KLHL15: variants seen among roughly 807,000 people sequenced by gnomAD.
KLHL15 encodes kelch-like protein 15.
KLHL15 carries 1 observed loss-of-function variant against 29.3 expected under a neutral mutation model. The observed-to-expected ratio is 0.03, with a 90% CI of 0.01 to 0.16. The LOEUF (loss-of-function observed/expected upper bound fraction) is 0.16. Ranked by LOEUF, KLHL15 falls within the 10% of genes least tolerant of loss-of-function variation. KLHL15 has a pLI of 1.00. For synonymous variants in KLHL15, 212 were observed against 184.5 expected (o/e 1.15, Z -1.21); for missense variants, 215 against 478.5 (o/e 0.45, Z 5.14).
intron 3 of KLHL15, among the ~76,000 whole-genome samples, chrX:23,990,197 A>C (rs1158175522): frequency 9.0e-6 from 1 of 111,594 alleles, no homozygotes; most frequent in Admixed American, 9.6e-5. Context: ...TGCTATAGGG[A>C]GAAACAAAAA....
chrX:23,990,213 G>GTTT (rs1241795334), intron 3 of KLHL15, among the ~76,000 whole-genome samples: 1 of 111,555 alleles, frequency 9.0e-6, no homozygotes, highest in Admixed American at 9.6e-5. Flanking sequence ...AAAAATAAGC[G>GTTT]TAAGATGTGA....
chrX:24,021,839 G>C lies in KLHL15; in HGVS notation c.-8+3018C>G, dbSNP rs757665470. Among the ~76,000 whole-genome samples, 64 of 107,765 alleles carry C rather than the reference G, an allele frequency of 5.9e-4. 1 individual carries two copies. Among genetic ancestry groups the C allele is most frequent in the Non-Finnish European group, 1.1e-3 (55 of 52,182 alleles). 93.6% of individuals were successfully genotyped at this position (107,765 alleles called of 115,157 possible). ...ATTTCTCTTCAATAAAAAAAAAAAAGCACCACATGAGCTATAGCACTCCAA... is the reference window on the plus strand; with the variant it reads ...ATTTCTCTTCAATAAAAAAAAAAAACCACCACATGAGCTATAGCACTCCAA... On this transcript the variant is annotated intron_variant, in intron 2 of 3. Transcript: ENST00000328046.
At chrX:24,006,974 G>T in intron 2 of KLHL15, among the ~76,000 whole-genome samples, 1 of 110,571 alleles carries the variant, frequency 9.0e-6, no homozygotes, top group Middle Eastern at 4.6e-3. Context: ...CTTGAGCCCA[G>T]GAGTTGGAGA....
chrX:23,996,652 G>C (rs1272162155), intron 3 of KLHL15, among the ~76,000 whole-genome samples: 1 of 111,393 alleles, frequency 9.0e-6, no homozygotes. Context: ...GACAGAGCGA[G>C]ACTCCATCTC....
chrX:23,993,278 C>G (rs760208601), intron 3 of KLHL15, among the ~76,000 whole-genome samples: 1 of 111,514 alleles, frequency 9.0e-6, no homozygotes, highest in African/African-American at 3.3e-5. Context: ...TGGGACAGGA[C>G]TAGAAGCCAG....
rs1213462021 is a variant in KLHL15, at chrX:23,986,127, G to T, written c.*1794C>A. ...TTTTCAAAAGCTACTTATGTACCTG[G>T]TTTCTTAAACCCAAATGCCTCCAAT... is the stretch of plus-strand genomic sequence containing the variant. On this transcript the variant is annotated 3_prime_UTR_variant, in exon 4 of 4. Coordinates refer to ENST00000328046, the MANE Select transcript of KLHL15 (RefSeq NM_030624.3). The T allele has an allele frequency of 1.8e-5, 2 of 110,291 alleles. No homozygotes were observed. Among genetic ancestry groups the T allele is most frequent in the Admixed American group, 1.9e-4 (2 of 10,276 alleles). 9.1% of individuals were successfully genotyped at this position (110,291 alleles called of 1,213,427 possible). A position where few individuals can be genotyped will look rare whatever the true frequency, so the allele number is the denominator to read the frequency against.
chrX:24,001,776 C>T (rs777841583), intron 3 of KLHL15, among the ~76,000 whole-genome samples: 94 of 82,896 alleles, frequency 1.1e-3, no homozygotes, highest in African/African-American at 4.4e-3. Context: ...TGCACTCCAG[C>T]CTAGGAGACA....
intron 2 of KLHL15, among the ~76,000 whole-genome samples, chrX:24,011,179 A>G (rs1929566615): frequency 9.2e-6 from 1 of 108,748 alleles, no homozygotes; most frequent in African/African-American, 3.3e-5. Flanking sequence ...AAAAAAAAAA[A>G]AAAGAAAAAA....
In KLHL15 at chrX:23,985,019, C is replaced by A. The variant is rs1222647932; in HGVS notation, c.*2902G>T. 1 of 112,229 alleles carries A rather than the reference C, an allele frequency of 8.9e-6. No individual in the cohort carries two copies. Among genetic ancestry groups the A allele is most frequent in the Non-Finnish European group, 1.9e-5 (1 of 53,188 alleles). The allele number at this position is 112,229 out of a possible 1,213,427, so 9.2% of individuals were successfully genotyped here. A position where few individuals can be genotyped will look rare whatever the true frequency, so the allele number is the denominator to read the frequency against. On this transcript the variant is annotated 3_prime_UTR_variant, in exon 4 of 4. Transcript: ENST00000328046. ...AAAACCAGTAGCATTTCTTCCAACA[C>A]AAAACCTTCAAAGTGAGAATCTTGC...
chrX:24,023,497 T>C (rs988920307), intron 2 of KLHL15, among the ~76,000 whole-genome samples: 2 of 112,383 alleles, frequency 1.8e-5, no homozygotes, highest in African/African-American at 6.5e-5. Flanking sequence ...AACCATTTGT[T>C]AGCTAAAAAT....
chrX:24,010,431 C>G (rs1929550769), intron 2 of KLHL15, among the ~76,000 whole-genome samples: 1 of 112,053 alleles, frequency 8.9e-6, no homozygotes, highest in African/African-American at 3.2e-5. Flanking sequence ...TGCCTCTTGG[C>G]AGTTTCGTCC....
In KLHL15 at chrX:23,994,986, A is replaced by C. The variant is rs1429292959; in HGVS notation, c.706-5956T>G. ...GCCACCTTGCCCAGCCTGAAAATGT[A>C]AATTGTCCATTTCCTCTAAACATCT... is the stretch of plus-strand genomic sequence containing the variant. On this transcript the variant is annotated intron_variant, in intron 3 of 3. Coordinates refer to ENST00000328046, the MANE Select transcript of KLHL15 (RefSeq NM_030624.3). 3.6e-5 allele frequency among the ~76,000 whole-genome samples: 4 copies of C among 111,395 alleles called. No individual in the cohort carries two copies. In the East Asian group the frequency reaches 1.1e-3, roughly 31 times the overall value.
chrX:24,006,304 T>C lies in KLHL15; in HGVS notation c.390A>G (p.Leu130=). ...GTCTCATAATTTCTGCACAATTTTC[T>C]AGGCAGATCTTCGCTAAGAGAAAAG... ...CCSFLLAKIC[L]ENCAEIMRLL... is the part of the protein sequence containing the mutation. Residue 130 remains leucine, a synonymous_variant, in exon 3 of 4, where the codon CTA becomes CTG. Transcript: ENST00000328046. 2.5e-6 allele frequency: 3 copies of C among 1,211,826 alleles called. No individual in the cohort carries two copies. The highest frequency in any genetic ancestry group is 3.3e-6 in the Non-Finnish European group (3 of 895,562).
In KLHL15 at chrX:23,987,872, G is replaced by A. The variant is rs1929013107; in HGVS notation, c.*49C>T. On this transcript the variant is annotated 3_prime_UTR_variant, in exon 4 of 4. Coordinates refer to ENST00000328046, the MANE Select transcript of KLHL15 (RefSeq NM_030624.3). ...TTTATATGTTTTAATTAATTACTCT[G>A]TGCAAACAAATACTTTGTTTGCCTC... The A allele has an allele frequency of 9.2e-7, 1 of 1,092,629 alleles. No individual in the cohort carries two copies. The highest frequency in any genetic ancestry group is 2.2e-5 in the South Asian group (1 of 45,219). The allele number at this position is 1,092,629 out of a possible 1,213,427, so 90.0% of individuals were successfully genotyped here. A position where few individuals can be genotyped will look rare whatever the true frequency, so the allele number is the denominator to read the frequency against.
Position 23,988,390 on chromosome X carries a change from C to A in KLHL15, c.1346G>T (p.Ser449Ile). Residue 449 changes from serine to isoleucine, a missense_variant, in exon 4 of 4, where the codon AGC (serine) becomes ATC (isoleucine). Ser to Ile is a moderately radical substitution (Grantham distance 142). Coordinates refer to ENST00000328046, the MANE Select transcript of KLHL15 (RefSeq NM_030624.3). Reference protein sequence around the residue: ...TSKQVCVFDPSKEGTIEQRTR... With the variant: ...TSKQVCVFDPIKEGTIEQRTR... ...CCGTTGTTCTATGGTCCCTTCTTTG[C>A]TGGGGTCAAACACGCACACTTGCTT... 8.3e-7 allele frequency: 1 copy of A among 1,212,034 alleles called. No individual in the cohort carries two copies.
At chrX:24,000,151 T>C (rs1929284050) in intron 3 of KLHL15, among the ~76,000 whole-genome samples, 1 of 112,321 alleles carries the variant, frequency 8.9e-6, no homozygotes, top group Non-Finnish European at 1.9e-5. Flanking sequence ...TTAGAAATTC[T>C]AATCAAATTT....
chrX:24,024,971 G>C lies in KLHL15; in HGVS notation c.-122C>G. The stretch of plus-strand genomic sequence containing the variant: ...GGGACGGCACTCGGCAGGCTCCTCG[G>C]ACGTCTACGAGCAGCCGCTCCCGGC... On this transcript the variant is annotated 5_prime_UTR_variant, in exon 2 of 4. Coordinates refer to ENST00000328046, the MANE Select transcript of KLHL15 (RefSeq NM_030624.3). 3.4e-6 allele frequency: 1 copy of C among 298,071 alleles called. No homozygotes were observed. The highest frequency in any genetic ancestry group is 4.7e-5 in the East Asian group (1 of 21,062). The allele number at this position is 298,071 out of a possible 1,213,427, so 24.6% of individuals were successfully genotyped here. A position where few individuals can be genotyped will look rare whatever the true frequency, so the allele number is the denominator to read the frequency against.
At chrX:24,014,697 G>T (rs1929641730) in intron 2 of KLHL15, among the ~76,000 whole-genome samples, 1 of 111,762 alleles carries the variant, frequency 8.9e-6, no homozygotes, top group East Asian at 2.8e-4. Flanking sequence ...TGAGTACACA[G>T]CACTCTCCTC....
intron 2 of KLHL15, among the ~76,000 whole-genome samples, chrX:24,012,109 C>T (rs1471217486): frequency 9.4e-6 from 1 of 105,963 alleles, no homozygotes; most frequent in African/African-American, 3.5e-5. Flanking sequence ...GAGCTGAGAT[C>T]GTGCCACTGC....
Sources: allele counts gnomAD v4.1 joint callset (sites outside exome capture counted in the v4.1 genomes callset), GRCh38; gene constraint gnomAD v4.1.1; transcripts MANE v1.5; gene names NCBI Gene and HGNC (gene_info 2026-07-23, HGNC 2026-07-21).